Variants in OVCH2 observed in about 807,000 individuals in gnomAD.
The protein encoded by OVCH2 is ovochymase-2.
Under a neutral mutation model 73.7 loss-of-function variants are expected in OVCH2, and 88 were observed. The ratio of observed to expected loss-of-function variants is 1.19; its 90% CI spans 1.01 to 1.43. The LOEUF is 1.43. Among genes scored for constraint, OVCH2 ranks in the 40% most tolerant of loss-of-function variants. The probability of loss-of-function intolerance (pLI) is 0.00; values close to 1 mark genes in which losing one functional copy is unlikely to be tolerated. For missense variants in OVCH2, 706 were observed against 674.5 expected (o/e 1.05, Z -0.52); for synonymous variants, 265 against 234.5 (o/e 1.13, Z -1.19).
chr11:7,689,118 G>T (rs1023492622), downstream of OVCH2, among the ~76,000 whole-genome samples: 2 of 152,174 alleles, frequency 1.3e-5, no homozygotes, highest in Admixed American at 6.5e-5. Flanking sequence ...TTGCTGTAAA[G>T]AAATTTTGCA....
At chr11:7,693,491 C>T (rs539689193) in intron 12 of OVCH2, among the ~76,000 whole-genome samples, 1 of 152,288 alleles carries the variant, frequency 6.6e-6, no homozygotes, top group Non-Finnish European at 1.5e-5. Flanking sequence ...CATCGCTTCA[C>T]TGATGCACGA....
intron 8 of OVCH2, among the ~76,000 whole-genome samples, chr11:7,698,145 T>G (rs1045457272): frequency 2.0e-5 from 3 of 152,324 alleles, no homozygotes; most frequent in African/African-American, 7.2e-5. Flanking sequence ...GCTTCAAAGA[T>G]GTCTGTGCAT....
chr11:7,704,193 C>A (rs1856493102), intron 2 of OVCH2, among the ~76,000 whole-genome samples: 3 of 152,128 alleles, frequency 2.0e-5, no homozygotes, highest in African/African-American at 4.8e-5. Flanking sequence ...AAGGTGAGGG[C>A]TGGGGAGCCT....
intron 12 of OVCH2, among the ~76,000 whole-genome samples, chr11:7,694,549 TAATA>T (rs1182763910): frequency 1.3e-5 from 2 of 152,190 alleles, no homozygotes; most frequent in Non-Finnish European, 2.9e-5. Flanking sequence ...GTGAGCAGTT[TAATA>T]AATAAGGAAG....
intron 5 of OVCH2, 22 bp from the exon 6 acceptor site, chr11:7,701,497 G>T: frequency 6.2e-7 from 1 of 1,601,696 alleles, no homozygotes; most frequent in South Asian, 1.1e-5. Flanking sequence ...AGAGATGGAA[G>T]CCCCAGCAGG....
chr11:7,701,953 T>A (rs1057003154), intron 4 of OVCH2, 142 bp from the exon 5 acceptor site: 1 of 835,112 alleles, frequency 1.2e-6, no homozygotes. Context: ...AGGGGTTACT[T>A]GTCAATTAAA....
intron 15 of OVCH2, 135 bp from the exon 16 acceptor site, chr11:7,689,737 T>C (rs763635802): frequency 1.5e-6 from 1 of 674,948 alleles, no homozygotes; most frequent in Non-Finnish European, 2.7e-6. Flanking sequence ...CCCAGGCTAA[T>C]AACCTCATTT....
At position 7,696,458 on chromosome 11, in the gene OVCH2, C is replaced by T; in HGVS notation, c.1141+7G>A. ...GTTTCCATTTGACACTGTGAAAATC[C>T]ACTCACCAATGGGTCTGTCTTCTAA... is the stretch of plus-strand genomic sequence containing the variant. On this transcript the variant is annotated splice_region_variant and intron_variant, in intron 10 of 15. Transcript: ENST00000533663. The T allele has an allele frequency of 6.2e-7, 1 of 1,613,886 alleles. No individual in the cohort carries two copies. The highest frequency in any genetic ancestry group is 8.5e-7 in the Non-Finnish European group (1 of 1,179,842).
the OVCH2 span, among the ~76,000 whole-genome samples, chr11:7,681,129 G>C: frequency 6.6e-6 from 1 of 152,182 alleles, no homozygotes; most frequent in Non-Finnish European, 1.5e-5. Context: ...AGGCTCGGAG[G>C]ACTAGTACAG....
intron 11 of OVCH2, 36 bp from the exon 12 acceptor site, chr11:7,695,224 A>T (rs562557415): frequency 6.6e-7 from 1 of 1,525,814 alleles, no homozygotes; most frequent in Admixed American, 2.4e-5. Flanking sequence ...AGATGGCACC[A>T]TTCAAATAAA....
At chr11:7,694,916 C>T in intron 12 of OVCH2, 142 bp downstream of exon 12, 2 of 876,868 alleles carry the variant, frequency 2.3e-6, no homozygotes, top group South Asian at 1.9e-5. Flanking sequence ...TATTTATTGA[C>T]AGCTTTGTGT....
In OVCH2 at chr11:7,701,973, C is replaced by G. The variant is rs138327220; in HGVS notation, c.464-162G>C. On this transcript the variant is annotated intron_variant, in intron 4 of 15. Coordinates refer to ENST00000533663, the MANE Select transcript of OVCH2 (RefSeq NM_198185.7). Reference sequence around the variant, plus strand: ...TTACTTGTCAATTAAAGAAAACCTTCTCCTGACTCCATGTAATGCTATCTC... The same window carrying G: ...TTACTTGTCAATTAAAGAAAACCTTGTCCTGACTCCATGTAATGCTATCTC... 1.0e-3 allele frequency among the ~76,000 whole-genome samples: 156 copies of G among 152,326 alleles called. 2 individuals are homozygous for G. Among genetic ancestry groups the G allele is most frequent in the African/African-American group, 3.7e-3 (155 of 41,570 alleles).
At chr11:7,690,138 A>G in intron 14 of OVCH2, 125 bp from the exon 15 acceptor site, 1 of 653,176 alleles carries the variant, frequency 1.5e-6, no homozygotes, top group Non-Finnish European at 2.6e-6. Flanking sequence ...TAGACTCTAT[A>G]GGTATTTCAA....
chr11:7,691,093 T>A, intron 14 of OVCH2, 176 bp downstream of exon 14: 1 of 762,422 alleles, frequency 1.3e-6, no homozygotes, highest in Non-Finnish European at 2.0e-6. Flanking sequence ...ACCTTGTACA[T>A]TTCCTAGGAG....
At chr11:7,687,724 C>T (rs961226263), downstream of OVCH2, among the ~76,000 whole-genome samples, 13 of 152,028 alleles carry the variant, frequency 8.6e-5, no homozygotes, top group African/African-American at 3.1e-4. Context: ...TTTGCTTGGG[C>T]TGATATAACA....
At position 7,701,260 on chromosome 11, in the gene OVCH2, T is replaced by C. The variant is rs1022396634; in HGVS notation, c.711+64A>G. ...AAATTTCACTGAAATTTAAGAAAAC[T>C]AGAAGAAAACAAAACCAAGGGAATC... On this transcript the variant is annotated intron_variant, in intron 6 of 15. Transcript: ENST00000533663. 1.2e-5 allele frequency: 19 copies of C among 1,523,320 alleles called. No individual in the cohort carries two copies. The Admixed American group carries it at 3.0e-4, about 24-fold the overall frequency. 94.4% of individuals were successfully genotyped at this position (1,523,320 alleles called of 1,614,324 possible).
chr11:7,688,007 A>G (rs954128353), downstream of OVCH2, among the ~76,000 whole-genome samples: 3 of 152,118 alleles, frequency 2.0e-5, no homozygotes, highest in African/African-American at 4.8e-5. Flanking sequence ...ACCCACTCCA[A>G]ATATCATCAC....
chr11:7,697,073 C>G, intron 8 of OVCH2: 1 of 439,092 alleles, frequency 2.3e-6, no homozygotes, highest in Non-Finnish European at 4.1e-6. Flanking sequence ...GCCTCAATCT[C>G]TCACCGAGGG....
chr11:7,681,039 C>T, the OVCH2 span, among the ~76,000 whole-genome samples: 1 of 152,100 alleles, frequency 6.6e-6, no homozygotes, highest in Non-Finnish European at 1.5e-5. Context: ...GTAAGCAGAC[C>T]ACCCACTCCA....
Sources: gnomAD v4.1 joint callset for allele counts (sites outside exome capture counted in the v4.1 genomes callset) on GRCh38, gnomAD v4.1.1 for gene constraint, MANE v1.5 for transcripts, NCBI Gene and HGNC (gene_info 2026-07-23, HGNC 2026-07-21) for gene names.